The following NLGN1 variants were observed in gnomAD, a reference collection of about 807,000 sequenced individuals.
NLGN1 encodes neuroligin-1.
Under a neutral mutation model 65.5 loss-of-function variants are expected in NLGN1, and 12 were observed. That is an observed-to-expected ratio of 0.18 (90% CI 0.12 to 0.30). The LOEUF is 0.30. Among genes scored for constraint, NLGN1 ranks in the 10% least tolerant of loss-of-function variants. The probability of loss-of-function intolerance (pLI) is 1.00; values close to 1 mark genes in which losing one functional copy is unlikely to be tolerated. For synonymous variants in NLGN1, 350 were observed against 359.5 expected (o/e 0.97, Z 0.30); for missense variants, 750 against 1,007.1 (o/e 0.74, Z 3.46).
intron 1 of NLGN1, among the ~76,000 whole-genome samples, chr3:173,408,141 A>G (rs1711660713): frequency 1.3e-5 from 2 of 152,034 alleles, no homozygotes; most frequent in Admixed American, 1.3e-4. Context: ...TCCTGCCTAC[A>G]TATGGTTCTC....
chr3:173,464,481 G>T (rs1490607409), intron 2 of NLGN1, among the ~76,000 whole-genome samples: 1 of 145,042 alleles, frequency 6.9e-6, no homozygotes, highest in Non-Finnish European at 1.5e-5. Flanking sequence ...TATTGCCCAG[G>T]CTGGAGTGCA....
intron 4 of NLGN1, among the ~76,000 whole-genome samples, chr3:174,238,258 T>A (rs975766571): frequency 6.6e-6 from 1 of 152,196 alleles, no homozygotes; most frequent in Non-Finnish European, 1.5e-5. Context: ...TCCTCTGGAA[T>A]GTGTGTCTAA....
At chr3:173,566,645 C>A (rs1210614912) in intron 2 of NLGN1, among the ~76,000 whole-genome samples, 2 of 152,120 alleles carry the variant, frequency 1.3e-5, no homozygotes, top group Non-Finnish European at 2.9e-5. Flanking sequence ...CCTCACCCTG[C>A]AAACAATTAA....
At chr3:174,072,153 G>A (rs1032402140) in intron 4 of NLGN1, among the ~76,000 whole-genome samples, 3 of 152,170 alleles carry the variant, frequency 2.0e-5, no homozygotes, top group Non-Finnish European at 4.4e-5. Flanking sequence ...CTACTTTCAC[G>A]TTATTGTATT....
chr3:173,710,894 G>C (rs1768842284), intron 3 of NLGN1, among the ~76,000 whole-genome samples: 1 of 152,102 alleles, frequency 6.6e-6, no homozygotes, highest in African/African-American at 2.4e-5. Flanking sequence ...ACCTGGGAGT[G>C]CATGCTTCTC....
intron 3 of NLGN1, among the ~76,000 whole-genome samples, chr3:173,711,155 G>C (rs11928704): frequency 1.3e-5 from 2 of 152,216 alleles, no homozygotes; most frequent in East Asian, 3.9e-4. Flanking sequence ...GAGAAAAATA[G>C]TATTAATTTT....
chr3:174,251,424 C>T (rs1259968332), intron 4 of NLGN1, among the ~76,000 whole-genome samples: 3 of 152,256 alleles, frequency 2.0e-5, no homozygotes, highest in South Asian at 4.2e-4. Flanking sequence ...GAAAAACATA[C>T]CTCCTGGAGG....
chr3:173,855,216 A>G (rs1038674474), intron 4 of NLGN1, among the ~76,000 whole-genome samples: 1 of 152,102 alleles, frequency 6.6e-6, no homozygotes, highest in African/African-American at 2.4e-5. Flanking sequence ...ATTTAGTCAT[A>G]TCTGTATGTA....
At chr3:174,172,550 C>T (rs757569766) in intron 4 of NLGN1, among the ~76,000 whole-genome samples, 2 of 152,018 alleles carry the variant, frequency 1.3e-5, no homozygotes, top group Non-Finnish European at 2.9e-5. Flanking sequence ...TCCAATTTTC[C>T]CAGCACCATC....
intron 4 of NLGN1, among the ~76,000 whole-genome samples, chr3:174,243,090 C>G: frequency 6.6e-6 from 1 of 152,172 alleles, no homozygotes; most frequent in East Asian, 1.9e-4. Flanking sequence ...GTTATTCAGT[C>G]AGACACCATT....
At chr3:173,627,773 T>A (rs1755045151) in intron 3 of NLGN1, among the ~76,000 whole-genome samples, 1 of 152,110 alleles carries the variant, frequency 6.6e-6, no homozygotes, top group South Asian at 2.1e-4. Flanking sequence ...GGCATTTTTT[T>A]TCTTAAAAGG....
At chr3:173,741,962 A>G (rs1391042891) in intron 3 of NLGN1, among the ~76,000 whole-genome samples, 1 of 151,842 alleles carries the variant, frequency 6.6e-6, no homozygotes, top group East Asian at 1.9e-4. Context: ...TGGCCTTCCC[A>G]CCCCCTCTAG....
chr3:173,806,305 T>C (rs946326063), intron 3 of NLGN1, among the ~76,000 whole-genome samples: 1 of 152,128 alleles, frequency 6.6e-6, no homozygotes, highest in African/African-American at 2.4e-5. Context: ...CATTCTATTT[T>C]TTTACAAAAA....
chr3:174,075,747 CAT>C (rs764261608), intron 4 of NLGN1, among the ~76,000 whole-genome samples: 1 of 152,060 alleles, frequency 6.6e-6, no homozygotes, highest in Non-Finnish European at 1.5e-5. Flanking sequence ...ATGAAAAGGA[CAT>C]AAAAATAATG....
At chr3:173,691,088 T>C (rs541275689) in intron 3 of NLGN1, among the ~76,000 whole-genome samples, 2 of 152,238 alleles carry the variant, frequency 1.3e-5, no homozygotes, top group East Asian at 3.9e-4. Flanking sequence ...GGAGTCTGAA[T>C]TATATTCAAG....
chr3:173,444,673 T>C (rs2148812809), intron 2 of NLGN1, among the ~76,000 whole-genome samples: 1 of 152,308 alleles, frequency 6.6e-6, no homozygotes, highest in Non-Finnish European at 1.5e-5. Flanking sequence ...ACTTTTTATA[T>C]TTCCTGGCCT....
chr3:173,729,006 A>T (rs1394874862), intron 3 of NLGN1, among the ~76,000 whole-genome samples: 1 of 152,096 alleles, frequency 6.6e-6, no homozygotes, highest in Admixed American at 6.6e-5. Context: ...TATGTGCTAG[A>T]CATTGTACTG....
chr3:173,858,750 G>T (rs1401207847), intron 4 of NLGN1, among the ~76,000 whole-genome samples: 2 of 152,106 alleles, frequency 1.3e-5, no homozygotes, highest in East Asian at 3.9e-4. Context: ...TTTTATATGA[G>T]ATGCCTTATT....
intron 2 of NLGN1, among the ~76,000 whole-genome samples, chr3:173,486,766 A>G (rs537722719): frequency 4.9e-4 from 74 of 152,316 alleles, no homozygotes; most frequent in African/African-American, 1.7e-3. Flanking sequence ...AAAACAGTTC[A>G]ACTTTTGCCT....
Sources: allele counts gnomAD v4.1 joint callset (sites outside exome capture counted in the v4.1 genomes callset), GRCh38; gene constraint gnomAD v4.1.1; transcripts MANE v1.5; gene names NCBI Gene and HGNC (gene_info 2026-07-23, HGNC 2026-07-21).